Variants in PDE4D observed in about 807,000 individuals in gnomAD.
PDE4D encodes the protein phosphodiesterase 4D, also known as 3',5'-cyclic-AMP phosphodiesterase 4D.
PDE4D carries 24 observed loss-of-function variants against 87.4 expected under a neutral mutation model. That is an observed-to-expected ratio of 0.27 (90% confidence interval 0.20 to 0.39). The LOEUF (loss-of-function observed/expected upper bound fraction) is 0.39. Among genes scored for constraint, PDE4D ranks in the 10% least tolerant of loss-of-function variants. PDE4D has a pLI of 1.00. For missense variants in PDE4D, 714 were observed against 1,041.0 expected (o/e 0.69, Z 4.32); for synonymous variants, 384 against 383.2 (o/e 1.00, Z -0.02).
At chr5:59,956,267 C>T (rs1331791933) in intron 3 of PDE4D, among the ~76,000 whole-genome samples, 1 of 152,134 alleles carries the variant, frequency 6.6e-6, no homozygotes, top group African/African-American at 2.4e-5. Flanking sequence ...CTTCAGCCTG[C>T]AGGACAGCCC....
At chr5:60,060,713 T>C (rs1482676456) in intron 2 of PDE4D, among the ~76,000 whole-genome samples, 1 of 152,052 alleles carries the variant, frequency 6.6e-6, no homozygotes, top group African/African-American at 2.4e-5. Flanking sequence ...TTTTGTTTTT[T>C]CATTTTTCCT....
intron 1 of PDE4D, among the ~76,000 whole-genome samples, chr5:59,748,400 C>G (rs1405360251): frequency 6.6e-6 from 1 of 152,110 alleles, no homozygotes; most frequent in Non-Finnish European, 1.5e-5. Context: ...TGGAACCAAC[C>G]CAAATGTCCA....
rs547940306 is a variant in PDE4D at position 60,392,844 on chromosome 5, A to C, written c.-90+95098T>G. ...ACTCCAGTTCATGCTTCCAGTTACC[A>C]CTCTCATGATCAAACATTTCTTCCT... On this transcript the variant is annotated intron_variant, in intron 1 of 16. Transcript: ENST00000502484. Among the ~76,000 whole-genome samples the C allele has an allele frequency of 3.3e-5, 5 of 152,302 alleles. No individual in the cohort carries two copies. The East Asian group carries it at 9.6e-4, about 29-fold the overall frequency.
At chr5:59,999,512 G>A (rs1367694502) in intron 2 of PDE4D, among the ~76,000 whole-genome samples, 2 of 116,620 alleles carry the variant, frequency 1.7e-5, no homozygotes, top group African/African-American at 3.3e-5. Context: ...ATTCAAAGAA[G>A]ATGTATCCCG....
rs149693571 is a variant in PDE4D, at chr5:60,493,991, T to C, written n.70+28060A>G. Among the ~76,000 whole-genome samples, 293 of 152,252 alleles carry C rather than the reference T, an allele frequency of 1.9e-3. 2 individuals carry two copies. The highest frequency in any genetic ancestry group is 6.3e-3 in the African/African-American group (262 of 41,530). The stretch of plus-strand genomic sequence containing the variant: ...AAAAAAATGCTTTAAAATTGAAACA[T>C]AGGGTACTTTCTGCAAGATTAAAAT... On this transcript the variant is annotated intron_variant and non_coding_transcript_variant, in intron 1 of 2. Coordinates refer to the PDE4D transcript ENST00000506510.
chr5:59,820,997 C>T (rs553310028), intron 1 of PDE4D, among the ~76,000 whole-genome samples: 17 of 152,100 alleles, frequency 1.1e-4, no homozygotes, highest in South Asian at 8.3e-4. Flanking sequence ...TTTGGGAGGC[C>T]GAGGTGGGCA....
intron 2 of PDE4D, among the ~76,000 whole-genome samples, chr5:59,998,087 C>G (rs1261312729): frequency 6.6e-6 from 1 of 152,028 alleles, no homozygotes; most frequent in Non-Finnish European, 1.5e-5. Context: ...TGCAGACCTC[C>G]CTCTAGCCAC....
chr5:60,507,101 A>G (rs1190411780), intron 1 of PDE4D, among the ~76,000 whole-genome samples: 1 of 151,134 alleles, frequency 6.6e-6, no homozygotes, highest in Non-Finnish European at 1.5e-5. Flanking sequence ...TTTTTTTTAC[A>G]TGGAGTTTCA....
chr5:60,155,023 C>T (rs1365996639), intron 2 of PDE4D, among the ~76,000 whole-genome samples: 1 of 152,094 alleles, frequency 6.6e-6, no homozygotes, highest in Non-Finnish European at 1.5e-5. Context: ...TACTTTCCAG[C>T]TTTTGTCTGT....
intron 1 of PDE4D, among the ~76,000 whole-genome samples, chr5:60,451,177 C>A (rs762392936): frequency 5.3e-5 from 8 of 152,020 alleles, no homozygotes; most frequent in Non-Finnish European, 1.0e-4. Flanking sequence ...ATCCTAGATG[C>A]TCAAATGCGA....
At chr5:59,077,074 T>C (rs2153421353) in intron 5 of PDE4D, among the ~76,000 whole-genome samples, 1 of 152,314 alleles carries the variant, frequency 6.6e-6, no homozygotes, top group Admixed American at 6.5e-5. Context: ...ACTCTGCCAC[T>C]TAAATGCTAT....
chr5:60,127,476 G>T lies in PDE4D; in HGVS notation c.42+58081C>A, dbSNP rs114796068. On this transcript the variant is annotated intron_variant, in intron 2 of 16. Transcript: ENST00000502484. ...GCTATCACTGTGGTTCAGGAAACAGGTAATGCCAGCACAGACAGGCCGGCC... is the reference window on the plus strand; with the variant it reads ...GCTATCACTGTGGTTCAGGAAACAGTTAATGCCAGCACAGACAGGCCGGCC... 3.9e-3 allele frequency: 1,637 copies of T among 418,378 alleles called. 16 individuals carry two copies. Among genetic ancestry groups the T allele is most frequent in the African/African-American group, 0.028 (1,388 of 49,086 alleles). 25.9% of individuals were successfully genotyped at this position (418,378 alleles called of 1,614,324 possible). A position where few individuals can be genotyped will look rare whatever the true frequency, so the allele number is the denominator to read the frequency against.
chr5:60,281,878 A>G (rs1367689691), intron 1 of PDE4D, among the ~76,000 whole-genome samples: 1 of 151,948 alleles, frequency 6.6e-6, no homozygotes, highest in East Asian at 1.9e-4. Flanking sequence ...CTCTACAAAA[A>G]CGTACAAAAT....
At chr5:60,236,562 C>G (rs577802746) in intron 1 of PDE4D, among the ~76,000 whole-genome samples, 4 of 152,018 alleles carry the variant, frequency 2.6e-5, no homozygotes, top group African/African-American at 9.6e-5. Context: ...ATCCTCAGAA[C>G]CAGTTATTCT....
intron 1 of PDE4D, among the ~76,000 whole-genome samples, chr5:59,727,910 C>G (rs1447659836): frequency 6.6e-6 from 1 of 152,046 alleles, no homozygotes; most frequent in Non-Finnish European, 1.5e-5. Flanking sequence ...TAAGAAGGAA[C>G]AGCAACTTGA....
At chr5:59,942,459 T>A (rs1000257473) in intron 3 of PDE4D, among the ~76,000 whole-genome samples, 1 of 152,070 alleles carries the variant, frequency 6.6e-6, no homozygotes, top group Admixed American at 6.5e-5. Flanking sequence ...AATCAGCATT[T>A]GAAAAAGTCT....
At chr5:60,371,356 T>C (rs1451827108) in intron 1 of PDE4D, among the ~76,000 whole-genome samples, 3 of 152,190 alleles carry the variant, frequency 2.0e-5, no homozygotes, top group Non-Finnish European at 4.4e-5. Context: ...GGTGATTCTC[T>C]TTCTCCTGTC....
chr5:59,836,658 CATCTATCTACCTATCT>C (rs1479049496), intron 1 of PDE4D, among the ~76,000 whole-genome samples: 3 of 120,870 alleles, frequency 2.5e-5, no homozygotes, highest in East Asian at 2.0e-4. Flanking sequence ...ATCTATCTAT[CATCTATCTACCTATCT>C]ATCTATCTAC....
chr5:59,021,698 T>C (rs1032079429), intron 6 of PDE4D, among the ~76,000 whole-genome samples: 3 of 152,138 alleles, frequency 2.0e-5, no homozygotes, highest in Admixed American at 2.0e-4. Context: ...GTTGCAACTC[T>C]ACTGTAGGGC....
Sources: allele counts gnomAD v4.1 joint callset (sites outside exome capture counted in the v4.1 genomes callset), GRCh38; gene constraint gnomAD v4.1.1; transcripts MANE v1.5; gene names NCBI Gene and HGNC (gene_info 2026-07-23, HGNC 2026-07-21).